The following PRELID2 variants were observed in gnomAD, a reference collection of about 807,000 sequenced individuals.
The protein encoded by PRELID2 is PRELI domain-containing protein 2.
PRELID2 carries 25 observed loss-of-function variants against 28.4 expected under a neutral mutation model. That is an observed-to-expected ratio of 0.88 (90% CI 0.64 to 1.23). The LOEUF is 1.23. PRELID2 is among the 50% of genes most tolerant of loss of function. The pLI, the probability that PRELID2 is intolerant of heterozygous loss-of-function variation, is 0.00. For synonymous variants in PRELID2, 76 were observed against 71.6 expected (o/e 1.06, Z -0.31); for missense variants, 201 against 214.4 (o/e 0.94, Z 0.39).
chr5:145,663,101 A>T (rs1754525703), intron 1 of PRELID2, among the ~76,000 whole-genome samples: 1 of 152,158 alleles, frequency 6.6e-6, no homozygotes, highest in African/African-American at 2.4e-5. Context: ...GTAAATCTAT[A>T]GATATGGGAC....
chr5:145,407,389 C>G, the PRELID2 span, among the ~76,000 whole-genome samples: 1 of 152,190 alleles, frequency 6.6e-6, no homozygotes, highest in African/African-American at 2.4e-5. Context: ...CAGCCATAAT[C>G]CCCCTGGGAA....
At chr5:145,240,848 T>C in the PRELID2 span, among the ~76,000 whole-genome samples, 28 of 152,024 alleles carry the variant, frequency 1.8e-4, no homozygotes, top group Non-Finnish European at 2.2e-4. Context: ...ATTTAGTGAA[T>C]ATTATAGTGA....
At chr5:145,572,587 A>G (rs1289198067) in intron 1 of PRELID2, among the ~76,000 whole-genome samples, 3 of 152,170 alleles carry the variant, frequency 2.0e-5, no homozygotes, top group African/African-American at 7.2e-5. Context: ...ACAAACATCA[A>G]ATAATTTTAT....
chr5:145,724,736 T>A (rs1256003792), intron 1 of PRELID2, among the ~76,000 whole-genome samples: 1 of 134,400 alleles, frequency 7.4e-6, no homozygotes, highest in Admixed American at 8.1e-5. Flanking sequence ...ATATATAATA[T>A]AAAATATTAT....
At chr5:145,240,947 C>T in the PRELID2 span, among the ~76,000 whole-genome samples, 3 of 151,954 alleles carry the variant, frequency 2.0e-5, no homozygotes, top group Admixed American at 1.3e-4. Flanking sequence ...ATCTCCTATG[C>T]TGGCTCAGCT....
At chr5:145,809,100 G>T (rs1455522080) in intron 4 of PRELID2, among the ~76,000 whole-genome samples, 1 of 146,600 alleles carries the variant, frequency 6.8e-6, no homozygotes, top group East Asian at 2.0e-4. Flanking sequence ...GCAGTGGTGC[G>T]ATCTGGGTTC....
At chr5:145,444,435 A>G in the PRELID2 span, among the ~76,000 whole-genome samples, 1 of 152,054 alleles carries the variant, frequency 6.6e-6, no homozygotes, top group East Asian at 1.9e-4. Flanking sequence ...TTACCCTCTA[A>G]CAGTTATAAG....
At chr5:145,772,052 T>C (rs1758141744) in intron 5 of PRELID2, among the ~76,000 whole-genome samples, 2 of 152,244 alleles carry the variant, frequency 1.3e-5, no homozygotes, top group East Asian at 3.8e-4. Context: ...TCTGATGCTG[T>C]CTAATCCTTT....
chr5:145,631,202 C>T (rs945571370), intron 1 of PRELID2, among the ~76,000 whole-genome samples: 6 of 152,176 alleles, frequency 3.9e-5, no homozygotes, highest in African/African-American at 1.4e-4. Flanking sequence ...CCCAACCACA[C>T]CAGCTTTCTG....
At chr5:145,558,022 T>C (rs1049790040) in intron 1 of PRELID2, among the ~76,000 whole-genome samples, 1 of 152,176 alleles carries the variant, frequency 6.6e-6, no homozygotes, top group Admixed American at 6.5e-5. Flanking sequence ...GATCAAGAAA[T>C]GAAATTATTT....
At chr5:145,593,830 T>C (rs1331673774) in intron 1 of PRELID2, among the ~76,000 whole-genome samples, 39 of 152,174 alleles carry the variant, frequency 2.6e-4, no homozygotes, top group Non-Finnish European at 5.9e-5. Flanking sequence ...TCAAGTGATA[T>C]ATCATTTAAT....
the PRELID2 span, among the ~76,000 whole-genome samples, chr5:145,347,389 T>C: frequency 2.0e-5 from 3 of 152,156 alleles, no homozygotes; most frequent in Non-Finnish European, 4.4e-5. Flanking sequence ...TCACCCACAT[T>C]AGTAGTCATG....
At chr5:145,474,591 A>C (rs1034477282) in intron 1 of PRELID2, among the ~76,000 whole-genome samples, 1 of 152,156 alleles carries the variant, frequency 6.6e-6, no homozygotes, top group Non-Finnish European at 1.5e-5. Flanking sequence ...TGGTCCAATT[A>C]TCCTCCTAAG....
At chr5:145,794,530 C>T (rs1032750041) in intron 5 of PRELID2, among the ~76,000 whole-genome samples, 5 of 152,158 alleles carry the variant, frequency 3.3e-5, no homozygotes, top group Non-Finnish European at 7.4e-5. Context: ...TAAGTCCAGA[C>T]TCCACCCTTT....
At chr5:145,481,478 C>T (rs1467549926) in intron 1 of PRELID2, among the ~76,000 whole-genome samples, 2 of 151,108 alleles carry the variant, frequency 1.3e-5, no homozygotes, top group Non-Finnish European at 3.0e-5. Context: ...ATTATTTGAT[C>T]TTGTTTATGT....
At chr5:145,586,335 A>G (rs564390598) in intron 1 of PRELID2, among the ~76,000 whole-genome samples, 7 of 152,106 alleles carry the variant, frequency 4.6e-5, no homozygotes, top group African/African-American at 1.7e-4. Flanking sequence ...CTTCCCTAAC[A>G]ACTCAATATT....
At chr5:145,345,549 C>T in the PRELID2 span, among the ~76,000 whole-genome samples, 1,748 of 152,150 alleles carry the variant, frequency 0.011, 27 homozygotes, top group South Asian at 0.022. Context: ...AAGCCTTTCT[C>T]ATCATCTTAG....
intron 5 of PRELID2, among the ~76,000 whole-genome samples, chr5:145,765,787 G>A (rs1270180179): frequency 6.6e-6 from 1 of 152,128 alleles, no homozygotes; most frequent in Non-Finnish European, 1.5e-5. Context: ...CCCAAGAGCT[G>A]ACCTAGGACA....
At chr5:145,545,152 T>G (rs2126675782) in intron 1 of PRELID2, among the ~76,000 whole-genome samples, 1 of 152,236 alleles carries the variant, frequency 6.6e-6, no homozygotes, top group East Asian at 1.9e-4. Flanking sequence ...AGGTGAGTAT[T>G]TTTTTCCTTT....
Sources: allele counts gnomAD v4.1 joint callset (sites outside exome capture counted in the v4.1 genomes callset), GRCh38; gene constraint gnomAD v4.1.1; transcripts MANE v1.5; gene names NCBI Gene and HGNC (gene_info 2026-07-23, HGNC 2026-07-21).